Variants in SCGB2B2 observed in about 807,000 individuals in gnomAD.
SCGB2B2 encodes secretoglobin-like protein.
A neutral mutation model predicts 7.6 loss-of-function variants in SCGB2B2; 11 were observed. The observed-to-expected ratio is 1.45, with a 90% CI of 0.91 to 2.40. The LOEUF (loss-of-function observed/expected upper bound fraction) is 2.40, where lower values mean the gene tolerates loss of function less well. Among genes scored for constraint, SCGB2B2 ranks in the 30% most tolerant of loss-of-function variants. SCGB2B2 has a pLI of 0.00. For missense variants in SCGB2B2, 104 were observed against 115.4 expected (o/e 0.90, Z 0.45); for synonymous variants, 50 against 48.6 (o/e 1.03, Z -0.12).
In SCGB2B2 at chr19:34,626,506, C is replaced by T. The variant is rs938639731; in HGVS notation, c.-2031-29912G>A. On this transcript the variant is annotated intron_variant, in intron 1 of 3. Coordinates refer to ENST00000601241, the MANE Select transcript of SCGB2B2 (RefSeq NM_001025591.4). ...TTCGATCAACTGGAAGAAAGGGTAT[C>T]AGTGACAGAAGATCAAATAAATGAA... 3.3e-5 allele frequency among the ~76,000 whole-genome samples: 5 copies of T among 152,160 alleles called. No individual in the cohort carries two copies. The South Asian group carries it at 8.3e-4, about 25-fold the overall frequency.
At chr19:34,606,267 G>A (rs1169485025) in intron 1 of SCGB2B2, among the ~76,000 whole-genome samples, 1 of 151,842 alleles carries the variant, frequency 6.6e-6, no homozygotes, top group East Asian at 1.9e-4. Flanking sequence ...CCATACTCAA[G>A]GTACCTGACA....
At chr19:34,645,556 A>G (rs1447166083) in intron 1 of SCGB2B2, 4 of 207,148 alleles carry the variant, frequency 1.9e-5, no homozygotes, top group African/African-American at 9.9e-5. Flanking sequence ...ACACACACAC[A>G]CACACACACA....
chr19:34,677,098 TAC>T lies in SCGB2B2; in HGVS notation c.-3502_-3501del. 6.8e-6 allele frequency: 1 copy of T among 147,806 alleles called. No homozygotes were observed. The highest frequency in any genetic ancestry group is 2.1e-4 in the South Asian group (1 of 4,686). 9.2% of individuals were successfully genotyped at this position (147,806 alleles called of 1,614,324 possible). A position where few individuals can be genotyped will look rare whatever the true frequency, so the allele number is the denominator to read the frequency against. Reference sequence around the variant, plus strand: ...CAGGAAATGCCCTTGGTTGGCGAACTACAGTCGTGACAGTCGGGCCACAGGGC... The same window carrying T: ...CAGGAAATGCCCTTGGTTGGCGAACTAGTCGTGACAGTCGGGCCACAGGGC... On this transcript the variant is annotated 5_prime_UTR_variant, in exon 1 of 4. Coordinates refer to ENST00000601241, the MANE Select transcript of SCGB2B2 (RefSeq NM_001025591.4).
At position 34,594,292 on chromosome 19, in the gene SCGB2B2, C is replaced by A; in HGVS notation, c.129G>T (p.Leu43=). ...GGTTGTAACGAGCAAGCTCCTCCTTCAGGAGGTCTTGGGACACATCAAACA... is the reference window on the plus strand; with the variant it reads ...GGTTGTAACGAGCAAGCTCCTCCTTAAGGAGGTCTTGGGACACATCAAACA... The part of the protein sequence containing the change: ...NVVFDVSQDL[L]KEELARYNPS... The change falls in exon 3 of 4, where the codon CTG becomes CTT. Residue 43 remains leucine, a synonymous_variant. Transcript: ENST00000601241. 6.2e-7 allele frequency: 1 copy of A among 1,613,988 alleles called. No individual in the cohort carries two copies. The highest frequency in any genetic ancestry group is 1.3e-5 in the African/African-American group (1 of 75,060).
chr19:34,615,176 C>T (rs919289168), intron 1 of SCGB2B2, among the ~76,000 whole-genome samples: 1 of 152,076 alleles, frequency 6.6e-6, no homozygotes, highest in Non-Finnish European at 1.5e-5. Flanking sequence ...TGGCACAGTG[C>T]AATAGCTGTA....
chr19:34,675,040 C>T (rs2067888634), intron 1 of SCGB2B2, among the ~76,000 whole-genome samples: 1 of 152,080 alleles, frequency 6.6e-6, no homozygotes, highest in African/African-American at 2.4e-5. Context: ...ATACTAAGAC[C>T]AATAGACATT....
intron 1 of SCGB2B2, chr19:34,646,199 T>A (rs1297533217): frequency 6.3e-6 from 1 of 158,362 alleles, no homozygotes; most frequent in Non-Finnish European, 1.4e-5. Context: ...CATGATCAGA[T>A]GAAGGTGCCC....
At chr19:34,664,403 T>C (rs1402797209) in intron 1 of SCGB2B2, among the ~76,000 whole-genome samples, 1 of 152,140 alleles carries the variant, frequency 6.6e-6, no homozygotes, top group African/African-American at 2.4e-5. Flanking sequence ...GGCAGGGGAT[T>C]AGTCAGACCT....
intron 1 of SCGB2B2, among the ~76,000 whole-genome samples, chr19:34,644,412 TTTTAAC>T (rs974534256): frequency 4.6e-5 from 7 of 150,588 alleles, no homozygotes; most frequent in South Asian, 2.1e-4. Context: ...AGTTAAATCA[TTTTAAC>T]TTTAAGTGTA....
intron 1 of SCGB2B2, among the ~76,000 whole-genome samples, chr19:34,650,170 G>T (rs542469983): frequency 6.6e-6 from 1 of 151,306 alleles, no homozygotes; most frequent in Non-Finnish European, 1.5e-5. Flanking sequence ...TGACCCTTGT[G>T]GGGTGGTTCA....
At chr19:34,602,228 A>C (rs1402308685) in intron 1 of SCGB2B2, among the ~76,000 whole-genome samples, 1 of 152,176 alleles carries the variant, frequency 6.6e-6, no homozygotes, top group Non-Finnish European at 1.5e-5. Context: ...TAGTTCTGTT[A>C]ATGTGTCCAA....
Position 34,591,570 on chromosome 19 carries a change from A to C in SCGB2B2, c.*1985T>G, listed in dbSNP as rs920371805. ...CCCCTCCCAGGATTTTTCACTGCAC[A>C]TGGAAAGGATCCACCTTTCTGCAAG... is the stretch of plus-strand genomic sequence containing the variant. On this transcript the variant is annotated 3_prime_UTR_variant, in exon 4 of 4. Transcript: ENST00000601241. 1.1e-4 allele frequency among the ~76,000 whole-genome samples: 16 copies of C among 152,160 alleles called. No individual in the cohort carries two copies. Among genetic ancestry groups the C allele is most frequent in the African/African-American group, 3.6e-4 (15 of 41,456 alleles).
In SCGB2B2 at chr19:34,616,374, C is replaced by G. The variant is rs8108526; in HGVS notation, c.-2031-19780G>C. The stretch of plus-strand genomic sequence containing the variant: ...TGTTGTTTCCTGACTTTTTAATGAT[C>G]GCCATTCTAACTGGTGTGAGATGGT... On this transcript the variant is annotated intron_variant, in intron 1 of 3. Transcript: ENST00000601241. Among the ~76,000 whole-genome samples the G allele has an allele frequency of 4.9e-4, 51 of 103,906 alleles. 3 individuals carry two copies. The highest frequency in any genetic ancestry group is 2.2e-3 in the East Asian group (9 of 4,180). The allele number at this position is 103,906 out of a possible 152,430, so 68.2% of individuals were successfully genotyped here. A position where few individuals can be genotyped will look rare whatever the true frequency, so the allele number is the denominator to read the frequency against.
intron 1 of SCGB2B2, among the ~76,000 whole-genome samples, chr19:34,601,201 G>A (rs77577713): frequency 6.6e-6 from 1 of 152,206 alleles, no homozygotes; most frequent in East Asian, 1.9e-4. Flanking sequence ...CACCATAGAG[G>A]GCCGTAGTTT....
intron 1 of SCGB2B2, chr19:34,608,675 A>T: frequency 1.7e-5 from 1 of 60,296 alleles, no homozygotes; most frequent in East Asian, 3.8e-4. Flanking sequence ...ATATATATAT[A>T]TATATATATA....
intron 1 of SCGB2B2, chr19:34,635,211 T>C: frequency 3.4e-6 from 1 of 290,380 alleles, no homozygotes; most frequent in Non-Finnish European, 7.1e-6. Flanking sequence ...CTCTCGGGTG[T>C]ATAATCATGC....
intron 1 of SCGB2B2, among the ~76,000 whole-genome samples, chr19:34,661,173 G>A (rs567302714): frequency 1.1e-4 from 16 of 152,168 alleles, no homozygotes; most frequent in African/African-American, 3.6e-4. Context: ...ACTTAATGTA[G>A]GCGATGAGTT....
chr19:34,639,152 G>C (rs1190896794), intron 1 of SCGB2B2, among the ~76,000 whole-genome samples: 2 of 152,172 alleles, frequency 1.3e-5, no homozygotes, highest in Non-Finnish European at 2.9e-5. Flanking sequence ...TCTGTGGATA[G>C]CTTTACCTAA....
chr19:34,594,553 G>A lies in SCGB2B2; in HGVS notation c.11C>T (p.Thr4Ile). MRV[T>I]SATCALLLAL... ...CAGCAGAAGAGCACAGGTGGCGGATGTCACCCTCATGACAGCGGAGTCTGG... is the reference window on the plus strand; with the variant it reads ...CAGCAGAAGAGCACAGGTGGCGGATATCACCCTCATGACAGCGGAGTCTGG... Residue 4 changes from threonine to isoleucine, a missense_variant, in exon 2 of 4, where the codon ACA becomes ATA. By Grantham distance (89) the Thr-to-Ile change is moderately conservative (BLOSUM62 -1). Coordinates refer to ENST00000601241, the MANE Select transcript of SCGB2B2 (RefSeq NM_001025591.4). 1.2e-6 allele frequency: 2 copies of A among 1,612,876 alleles called. No homozygotes were observed. Among genetic ancestry groups the A allele is most frequent in the Non-Finnish European group, 1.7e-6 (2 of 1,179,992 alleles).
Sources: allele counts gnomAD v4.1 joint callset (sites outside exome capture counted in the v4.1 genomes callset), GRCh38; gene constraint gnomAD v4.1.1; transcripts MANE v1.5; gene names NCBI Gene and HGNC (gene_info 2026-07-23, HGNC 2026-07-21).